The following WLS variants were observed in gnomAD, a reference collection of about 807,000 sequenced individuals.
WLS encodes the protein protein wntless homolog.
Under a neutral mutation model 62.8 loss-of-function variants are expected in WLS, and 23 were observed. The observed-to-expected ratio is 0.37, with a 90% CI of 0.26 to 0.52. The LOEUF (loss-of-function observed/expected upper bound fraction) is 0.52. Ranked by LOEUF, WLS falls within the 20% of genes least tolerant of loss-of-function variation. The pLI is 0.92. For synonymous variants in WLS, 246 were observed against 244.1 expected, an observed-to-expected ratio of 1.01 and a Z score of -0.07; for missense variants, 615 against 697.3, an observed-to-expected ratio of 0.88 and a Z score of 1.33.
intron 2 of WLS, among the ~76,000 whole-genome samples, chr1:68,171,754 G>T (rs556408808): frequency 6.6e-6 from 1 of 152,314 alleles, no homozygotes; most frequent in Non-Finnish European, 1.5e-5. Context: ...AGACAGTGTG[G>T]CGATTCCTCA....
exon 12 of WLS, chr1:68,098,606 T>C (rs1056166318): frequency 1.1e-5 from 17 of 1,611,706 alleles, no homozygotes; most frequent in Non-Finnish European, 1.4e-5. Context: ...AATGCAAAGC[T>C]GATAAACATG....
chr1:68,138,067 T>C (rs966003796), intron 10 of WLS, 134 bp from the exon 11 acceptor site: 12 of 991,200 alleles, frequency 1.2e-5, no homozygotes, highest in Non-Finnish European at 1.8e-5. Context: ...CATGTAAGAC[T>C]CCATCTTTTA....
chr1:68,105,020 C>T (rs1394234887), intron 11 of WLS, among the ~76,000 whole-genome samples: 1 of 152,242 alleles, frequency 6.6e-6, no homozygotes, highest in Non-Finnish European at 1.5e-5. Flanking sequence ...ACTGCCTGTG[C>T]ATAGTTGATG....
chr1:68,100,087 A>T (rs1305407332), intron 11 of WLS, among the ~76,000 whole-genome samples: 1 of 152,212 alleles, frequency 6.6e-6, no homozygotes, highest in Non-Finnish European at 1.5e-5. Flanking sequence ...TCACTAATAG[A>T]TGTGGAATTG....
intron 3 of WLS, among the ~76,000 whole-genome samples, chr1:68,155,999 C>T (rs745355906): frequency 1.3e-5 from 2 of 152,120 alleles, no homozygotes; most frequent in African/African-American, 4.8e-5. Flanking sequence ...TCTTGGACTT[C>T]GTGCCAAACA....
At chr1:68,175,914 G>A (rs148130113) in intron 2 of WLS, among the ~76,000 whole-genome samples, 2 of 152,300 alleles carry the variant, frequency 1.3e-5, no homozygotes, top group East Asian at 1.9e-4. Flanking sequence ...GACAGAAAAC[G>A]CTTGCAGGAA....
intron 11 of WLS, among the ~76,000 whole-genome samples, chr1:68,108,215 A>G (rs1312753300): frequency 6.6e-6 from 1 of 152,078 alleles, no homozygotes; most frequent in East Asian, 1.9e-4. Context: ...GAAGACTGGA[A>G]CTCTGGATGC....
intron 2 of WLS, among the ~76,000 whole-genome samples, chr1:68,193,050 A>C (rs941728537): frequency 6.6e-6 from 1 of 151,660 alleles, no homozygotes; most frequent in African/African-American, 2.4e-5. Flanking sequence ...CGGAGATTGC[A>C]GTAAGCCGAG....
intron 2 of WLS, among the ~76,000 whole-genome samples, chr1:68,190,231 T>TA (rs1199995253): frequency 6.6e-6 from 1 of 152,166 alleles, no homozygotes; most frequent in African/African-American, 2.4e-5. Flanking sequence ...TCCATGCTCT[T>TA]AAAAAACTTT....
At chr1:68,181,585 C>T (rs1647572639) in intron 2 of WLS, among the ~76,000 whole-genome samples, 2 of 152,166 alleles carry the variant, frequency 1.3e-5, no homozygotes, top group African/African-American at 4.8e-5. Context: ...GTGCAAGGAT[C>T]TTAGAGTCCG....
At chr1:68,151,854 G>C (rs1646830903) in intron 5 of WLS, among the ~76,000 whole-genome samples, 1 of 152,150 alleles carries the variant, frequency 6.6e-6, no homozygotes, top group Admixed American at 6.5e-5. Flanking sequence ...GGGGTGACAG[G>C]ATCTGATTAA....
chr1:68,134,241 T>C (rs1321175103), intron 11 of WLS, among the ~76,000 whole-genome samples: 1 of 152,130 alleles, frequency 6.6e-6, no homozygotes, highest in Admixed American at 6.5e-5. Context: ...CTAGGATACA[T>C]CGTGTGATCT....
intron 2 of WLS, among the ~76,000 whole-genome samples, chr1:68,193,055 G>A (rs1275809067): frequency 2.6e-5 from 4 of 151,392 alleles, no homozygotes; most frequent in South Asian, 2.1e-4. Context: ...ATTGCAGTAA[G>A]CCGAGATTGA....
intron 2 of WLS, among the ~76,000 whole-genome samples, chr1:68,178,705 C>CAAAAAAAAAAAAAAAAAAAAAAAAAA (rs376126398): frequency 9.2e-6 from 1 of 108,232 alleles, no homozygotes; most frequent in African/African-American, 3.2e-5. Flanking sequence ...GACTACATTT[C>CAAAAAAAAAAAAAAAAAAAAAAAAAA]AAAAAAAAAA....
At chr1:68,203,315 A>T (rs1649126055) in intron 1 of WLS, among the ~76,000 whole-genome samples, 1 of 152,136 alleles carries the variant, frequency 6.6e-6, no homozygotes, top group Non-Finnish European at 1.5e-5. Context: ...CAATACAACT[A>T]TCTGTTTATT....
intron 1 of WLS, chr1:68,203,072 A>G (rs1649110940): frequency 6.6e-6 from 1 of 152,252 alleles, no homozygotes; most frequent in Non-Finnish European, 1.5e-5. Context: ...TCAGACATTT[A>G]TTATTCATAA....
At chr1:68,136,215 C>G (rs138902591) in intron 11 of WLS, among the ~76,000 whole-genome samples, 34 of 152,312 alleles carry the variant, frequency 2.2e-4, no homozygotes, top group Non-Finnish European at 4.6e-4. Context: ...AACTACCCCC[C>G]TCCCTTCTCC....
chr1:68,176,194 T>C (rs1050940826), intron 2 of WLS: 9 of 152,204 alleles, frequency 5.9e-5, no homozygotes, highest in Non-Finnish European at 1.3e-4. Context: ...GCTCTCCTCT[T>C]ATCTTTTTCC....
At chr1:68,172,347 G>A (rs2820497) in intron 2 of WLS, among the ~76,000 whole-genome samples, 135,808 of 151,486 alleles carry the variant, frequency 0.9, 61,156 homozygotes, top group Middle Eastern at 0.99. Flanking sequence ...TCCAAATGCT[G>A]TATATAAATA....
Sources: gnomAD v4.1 joint callset for allele counts (sites outside exome capture counted in the v4.1 genomes callset) on GRCh38, gnomAD v4.1.1 for gene constraint, MANE v1.5 for transcripts, NCBI Gene and HGNC (gene_info 2026-07-23, HGNC 2026-07-21) for gene names.